The following KCNJ16 variants were observed in gnomAD, a reference collection of about 807,000 sequenced individuals.
KCNJ16 encodes inward rectifier potassium channel 16.
In KCNJ16, 15 loss-of-function variants were observed where a neutral mutation model predicts 18.5. The observed-to-expected ratio is 0.81, with a 90% CI of 0.54 to 1.25. KCNJ16 has a LOEUF of 1.25. Among genes scored for constraint, KCNJ16 ranks in the 50% most tolerant of loss-of-function variants. The probability of loss-of-function intolerance (pLI) is 0.00; values close to 1 mark genes in which losing one functional copy is unlikely to be tolerated. For synonymous variants in KCNJ16, 174 were observed against 186.5 expected (o/e 0.93, Z 0.55); for missense variants, 523 against 525.7 (o/e 0.99, Z 0.05).
chr17:70,097,450 AGAG>A (rs1417142062), intron 1 of KCNJ16, among the ~76,000 whole-genome samples: 3 of 152,204 alleles, frequency 2.0e-5, no homozygotes, highest in Non-Finnish European at 4.4e-5. Context: ...AGTAGAAATT[AGAG>A]GAGGAGGTCA....
intron 2 of KCNJ16, among the ~76,000 whole-genome samples, chr17:70,115,207 A>G (rs550029868): frequency 6.6e-6 from 1 of 152,176 alleles, no homozygotes; most frequent in Non-Finnish European, 1.5e-5. Flanking sequence ...TCAAGAATCT[A>G]CAAGTGCAAG....
chr17:70,084,632 C>T (rs998188101), intron 1 of KCNJ16, among the ~76,000 whole-genome samples: 1 of 152,114 alleles, frequency 6.6e-6, no homozygotes, highest in African/African-American at 2.4e-5. Flanking sequence ...TCTGGTAGAG[C>T]GGTGGTGCTG....
intron 1 of KCNJ16, among the ~76,000 whole-genome samples, chr17:70,090,333 G>C (rs1348469825): frequency 6.6e-6 from 1 of 152,166 alleles, no homozygotes; most frequent in Non-Finnish European, 1.5e-5. Context: ...CCTTTAGCTA[G>C]TAGAAAACAG....
chr17:70,117,143 C>T (rs1435762150), intron 2 of KCNJ16, among the ~76,000 whole-genome samples: 1 of 152,160 alleles, frequency 6.6e-6, no homozygotes, highest in Non-Finnish European at 1.5e-5. Flanking sequence ...AAAATAATGT[C>T]CTTTGCAGCA....
intron 2 of KCNJ16, among the ~76,000 whole-genome samples, chr17:70,124,369 T>C (rs562135679): frequency 2.0e-5 from 3 of 152,340 alleles, no homozygotes; most frequent in South Asian, 4.1e-4. Context: ...ACTGCAATTC[T>C]GTTTTCCGGT....
chr17:70,097,243 C>T (rs750058184), intron 1 of KCNJ16, among the ~76,000 whole-genome samples: 3 of 152,094 alleles, frequency 2.0e-5, no homozygotes, highest in South Asian at 2.1e-4. Flanking sequence ...ACAACCCATG[C>T]GCCCCCGTCT....
chr17:70,090,329 G>T (rs16974921), intron 1 of KCNJ16, among the ~76,000 whole-genome samples: 10,818 of 152,184 alleles, frequency 0.071, 497 homozygotes, highest in African/African-American at 0.14. Context: ...CAAACCTTTA[G>T]CTAGTAGAAA....
intron 2 of KCNJ16, among the ~76,000 whole-genome samples, chr17:70,105,945 C>T (rs920951582): frequency 6.6e-6 from 1 of 152,146 alleles, no homozygotes; most frequent in Non-Finnish European, 1.5e-5. Flanking sequence ...TGTTTAAAAT[C>T]CCTCCCCTGC....
At chr17:70,116,088 A>G (rs1210170167) in intron 2 of KCNJ16, among the ~76,000 whole-genome samples, 1 of 152,214 alleles carries the variant, frequency 6.6e-6, no homozygotes, top group Non-Finnish European at 1.5e-5. Flanking sequence ...TAAGTATGTG[A>G]ATAGAAGAAA....
chr17:70,092,513 G>C (rs938577251), intron 1 of KCNJ16, among the ~76,000 whole-genome samples: 1 of 39,060 alleles, frequency 2.6e-5, no homozygotes, highest in South Asian at 5.1e-4. Flanking sequence ...TAGATAGATA[G>C]ATAGATAGAT....
At chr17:70,122,989 T>C (rs540653002) in intron 2 of KCNJ16, among the ~76,000 whole-genome samples, 6 of 152,340 alleles carry the variant, frequency 3.9e-5, no homozygotes, top group African/African-American at 1.4e-4. Flanking sequence ...GAAACAGCTT[T>C]CTGGTTTACC....
chr17:70,117,361 T>C (rs1055121856), intron 2 of KCNJ16, among the ~76,000 whole-genome samples: 3 of 150,608 alleles, frequency 2.0e-5, no homozygotes, highest in Non-Finnish European at 4.4e-5. Flanking sequence ...ACACCAAACC[T>C]CAGCATCACA....
intron 1 of KCNJ16, among the ~76,000 whole-genome samples, chr17:70,077,850 C>A (rs1285319374): frequency 6.6e-6 from 1 of 151,316 alleles, no homozygotes; most frequent in Non-Finnish European, 1.5e-5. Flanking sequence ...ATTTTTCAGG[C>A]CCAAGGGCCC....
rs1329807140 is a variant in KCNJ16, at chr17:70,130,900, A to G, written c.-169A>G. 26 of 1,403,794 alleles carry G rather than the reference A, an allele frequency of 1.9e-5. No homozygotes were observed. Among genetic ancestry groups the G allele is most frequent in the East Asian group, 1.2e-4 (5 of 40,290 alleles). 87.0% of individuals were successfully genotyped at this position (1,403,794 alleles called of 1,614,324 possible). A position where few individuals can be genotyped will look rare whatever the true frequency, so the allele number is the denominator to read the frequency against. ...ACAGGAGTAACTCAAGATGATTTTG[A>G]TGTTGCAGTTTTAAATTTCACTTTG... On this transcript the variant is annotated 5_prime_UTR_variant, in exon 3 of 4. The change abolishes an upstream ATG in the 5' untranslated region. Coordinates refer to ENST00000392671, the MANE Select transcript of KCNJ16 (RefSeq NM_170741.4).
chr17:70,087,614 G>A (rs1418777587), intron 1 of KCNJ16, among the ~76,000 whole-genome samples: 2 of 152,128 alleles, frequency 1.3e-5, no homozygotes, highest in Admixed American at 6.5e-5. Flanking sequence ...GGTTGAGACA[G>A]GAGAATCGCT....
At chr17:70,092,058 A>T (rs78935667) in intron 1 of KCNJ16, among the ~76,000 whole-genome samples, 3,836 of 152,286 alleles carry the variant, frequency 0.025, 133 homozygotes, top group African/African-American at 0.079. Flanking sequence ...AATAACAGAA[A>T]CCTAAAACAT....
chr17:70,111,480 G>A (rs1020645208), intron 2 of KCNJ16, among the ~76,000 whole-genome samples: 2 of 152,086 alleles, frequency 1.3e-5, no homozygotes, highest in Middle Eastern at 3.2e-3. Flanking sequence ...ATACTTGGTT[G>A]CACTATTAGA....
chr17:70,086,614 A>G (rs968820367), intron 1 of KCNJ16, among the ~76,000 whole-genome samples: 1 of 152,144 alleles, frequency 6.6e-6, no homozygotes, highest in Admixed American at 6.6e-5. Flanking sequence ...TTAAGTTGGG[A>G]AAAAAATTGG....
At chr17:70,079,527 T>G (rs1451197177) in intron 1 of KCNJ16, among the ~76,000 whole-genome samples, 1 of 152,158 alleles carries the variant, frequency 6.6e-6, no homozygotes, top group Non-Finnish European at 1.5e-5. Flanking sequence ...CTGATTGTCT[T>G]TTGCCATCCA....
Sources: allele counts gnomAD v4.1 joint callset (sites outside exome capture counted in the v4.1 genomes callset), GRCh38; gene constraint gnomAD v4.1.1; transcripts MANE v1.5; gene names NCBI Gene and HGNC (gene_info 2026-07-23, HGNC 2026-07-21).